PRDM16: variants seen among roughly 807,000 people sequenced by gnomAD.
PRDM16 encodes the protein PR/SET domain 16.
In PRDM16, 23 loss-of-function variants were observed where a neutral mutation model predicts 110.6. The observed-to-expected ratio is 0.21, with a 90% CI of 0.15 to 0.29. PRDM16 has a LOEUF of 0.29. PRDM16 is among the 10% of genes least tolerant of loss of function. PRDM16 has a pLI of 1.00. For missense variants in PRDM16, 1,615 were observed against 1,794.3 expected (o/e 0.90, Z 1.81); for synonymous variants, 799 against 781.8 (o/e 1.02, Z -0.37).
chr1:3,088,448 A>ATTGTTATTTAT (rs1553122534), intron 1 of PRDM16, among the ~76,000 whole-genome samples: 1 of 146,026 alleles, frequency 6.8e-6, no homozygotes, highest in Non-Finnish European at 1.5e-5. Flanking sequence ...GGATTCTTTT[A>ATTGTTATTTAT]TTATTTATTT....
At chr1:3,314,763 G>GT (rs577423193) in intron 3 of PRDM16, among the ~76,000 whole-genome samples, 30 of 152,126 alleles carry the variant, frequency 2.0e-4, no homozygotes, top group African/African-American at 6.0e-4. Flanking sequence ...CAGTTGCTTC[G>GT]TTTTTTGCAA....
intron 1 of PRDM16, among the ~76,000 whole-genome samples, chr1:3,075,936 A>G (rs1413383178): frequency 6.6e-6 from 1 of 152,122 alleles, no homozygotes; most frequent in East Asian, 1.9e-4. Flanking sequence ...GCTGCCCACC[A>G]TCCTCCTGGG....
intron 2 of PRDM16, among the ~76,000 whole-genome samples, chr1:3,223,311 G>A (rs1159859876): frequency 8.6e-5 from 13 of 151,824 alleles, no homozygotes; most frequent in African/African-American, 2.7e-4. Flanking sequence ...ATCGATTTTC[G>A]TGGGGAGCAA....
chr1:3,218,498 G>A (rs558401711), intron 2 of PRDM16, among the ~76,000 whole-genome samples: 21 of 152,332 alleles, frequency 1.4e-4, no homozygotes, highest in African/African-American at 4.3e-4. Flanking sequence ...ATACGCACAC[G>A]TGCACACAGA....
At chr1:3,285,130 G>A (rs1335772811) in intron 3 of PRDM16, among the ~76,000 whole-genome samples, 2 of 152,182 alleles carry the variant, frequency 1.3e-5, no homozygotes, top group African/African-American at 4.8e-5. Context: ...CCTGCTGAGA[G>A]TCCCAAGGTC....
At position 3,186,137 on chromosome 1, in the gene PRDM16, T is replaced by C; in HGVS notation, c.50T>C (p.Val17Ala). 6.2e-7 allele frequency: 1 copy of C among 1,612,494 alleles called. No individual in the cohort carries two copies. Among genetic ancestry groups the C allele is most frequent in the Non-Finnish European group, 8.5e-7 (1 of 1,179,746 alleles). Residue 17 changes from valine to alanine, a missense_variant, in exon 2 of 17, where the codon GTT becomes GCT. Physicochemically the swap from Val to Ala is moderately conservative, Grantham distance 64. Coordinates refer to ENST00000270722, the MANE Select transcript of PRDM16 (RefSeq NM_022114.4). The stretch of plus-strand genomic sequence containing the variant: ...TTGTCTCCTTTAGGTGACGGTGACG[T>C]TGTAAATAATATGTATGAGCCCAAC... ...ARKLAKSDGD[V>A]VNNMYEPNRD...
At position 3,181,698 on chromosome 1, in the gene PRDM16, ACACACG is replaced by A. The variant is rs1169108085; in HGVS notation, c.38-4426_38-4421del. On this transcript the variant is annotated intron_variant, in intron 1 of 16. Transcript: ENST00000270722. ...CACGCGCAGTCTTACACACGGTCTTACACACGGTCTTACACACGCAGTCTTACACAC... is the reference window on the plus strand; with the variant it reads ...CACGCGCAGTCTTACACACGGTCTTAGTCTTACACACGCAGTCTTACACAC... Among the ~76,000 whole-genome samples, 16 of 140,412 alleles carry A rather than the reference ACACACG, an allele frequency of 1.1e-4. 1 individual carries two copies. The highest frequency in any genetic ancestry group is 3.7e-4 in the African/African-American group (13 of 35,100). 92.1% of individuals were successfully genotyped at this position (140,412 alleles called of 152,430 possible).
intron 2 of PRDM16, among the ~76,000 whole-genome samples, chr1:3,200,496 C>T (rs1281296471): frequency 6.6e-6 from 1 of 152,190 alleles, no homozygotes; most frequent in African/African-American, 2.4e-5. Flanking sequence ...GCGCCCGCCA[C>T]CACGCCTGGC....
intron 3 of PRDM16, among the ~76,000 whole-genome samples, chr1:3,275,640 C>G (rs1640565116): frequency 6.6e-6 from 1 of 152,202 alleles, no homozygotes; most frequent in African/African-American, 2.4e-5. Flanking sequence ...CGGTCCTGCC[C>G]AGTGCTCCAG....
intron 3 of PRDM16, among the ~76,000 whole-genome samples, chr1:3,331,858 T>C (rs1162745418): frequency 6.6e-6 from 1 of 152,194 alleles, no homozygotes; most frequent in Non-Finnish European, 1.5e-5. Flanking sequence ...TGGCCAGATC[T>C]GCACACAGCC....
At chr1:3,140,959 T>C (rs1643539305) in intron 1 of PRDM16, among the ~76,000 whole-genome samples, 1 of 152,092 alleles carries the variant, frequency 6.6e-6, no homozygotes, top group Non-Finnish European at 1.5e-5. Context: ...CCGATACGGA[T>C]CCCTTTTCCC....
At chr1:3,154,718 T>C (rs1274722332) in intron 1 of PRDM16, among the ~76,000 whole-genome samples, 1 of 152,104 alleles carries the variant, frequency 6.6e-6, no homozygotes, top group African/African-American at 2.4e-5. Flanking sequence ...CATGGAGCCC[T>C]GGTTGAGATG....
chr1:3,327,765 CA>C (rs1641949104), intron 3 of PRDM16, among the ~76,000 whole-genome samples: 1 of 152,198 alleles, frequency 6.6e-6, no homozygotes, highest in South Asian at 2.1e-4. Flanking sequence ...GGGGAGACCT[CA>C]AGAGATTCAC....
chr1:3,200,789 G>A (rs992837657), intron 2 of PRDM16, among the ~76,000 whole-genome samples: 2 of 152,156 alleles, frequency 1.3e-5, no homozygotes, highest in Non-Finnish European at 2.9e-5. Context: ...GGGTCATGGG[G>A]CGAGTGTCTC....
chr1:3,342,524 G>T (rs1642291280), intron 3 of PRDM16, among the ~76,000 whole-genome samples: 1 of 152,218 alleles, frequency 6.6e-6, no homozygotes, highest in Admixed American at 6.5e-5. Flanking sequence ...CCTGTATGAT[G>T]TGTGATATAT....
intron 1 of PRDM16, among the ~76,000 whole-genome samples, chr1:3,126,505 T>C (rs1039514075): frequency 3.9e-5 from 6 of 152,262 alleles, no homozygotes; most frequent in Middle Eastern, 3.4e-3. Flanking sequence ...TCAGATCAGG[T>C]GGACCCAGAC....
At chr1:3,217,560 A>G (rs901346247) in intron 2 of PRDM16, among the ~76,000 whole-genome samples, 1 of 152,102 alleles carries the variant, frequency 6.6e-6, no homozygotes, top group Non-Finnish European at 1.5e-5. Flanking sequence ...GCCTCTGTCG[A>G]GCTTGGCAGC....
At chr1:3,328,817 G>C (rs890506613) in intron 3 of PRDM16, among the ~76,000 whole-genome samples, 1 of 152,110 alleles carries the variant, frequency 6.6e-6, no homozygotes, top group African/African-American at 2.4e-5. Flanking sequence ...GCCATTGTCC[G>C]ACCCTCTGCG....
At chr1:3,421,543 C>T (rs537959099) in intron 12 of PRDM16, among the ~76,000 whole-genome samples, 2 of 152,312 alleles carry the variant, frequency 1.3e-5, no homozygotes, top group African/African-American at 4.8e-5. Flanking sequence ...GCTCACGGCT[C>T]CCCTAAATTT....
Sources: gnomAD v4.1 joint callset for allele counts (sites outside exome capture counted in the v4.1 genomes callset) on GRCh38, gnomAD v4.1.1 for gene constraint, MANE v1.5 for transcripts, NCBI Gene and HGNC (gene_info 2026-07-23, HGNC 2026-07-21) for gene names.